Variants in TAAR5 observed in about 807,000 individuals in gnomAD.
TAAR5 encodes the protein trace amine-associated receptor 5.
In TAAR5, 27 loss-of-function variants were observed where a neutral mutation model predicts 21.1. The observed-to-expected ratio is 1.28, with a 90% CI of 0.94 to 1.76. The LOEUF (loss-of-function observed/expected upper bound fraction) is 1.76. Ranked by LOEUF, TAAR5 falls within the 40% of genes most tolerant of loss-of-function variation. TAAR5 has a pLI of 0.00. For missense variants in TAAR5, 495 were observed against 405.6 expected, an observed-to-expected ratio of 1.22 and a Z score of -1.89; for synonymous variants, 203 against 167.5, an observed-to-expected ratio of 1.21 and a Z score of -1.64.
upstream of TAAR5, among the ~76,000 whole-genome samples, chr6:132,593,874 T>C (rs1239275051): frequency 1.3e-5 from 2 of 152,224 alleles, no homozygotes; most frequent in African/African-American, 4.8e-5. Flanking sequence ...ATCATTACAA[T>C]TGGAAGTAAC....
At position 132,588,704 on chromosome 6, in the gene TAAR5, T is replaced by G. The variant is rs1266311601; in HGVS notation, c.983A>C (p.Gln328Pro). 1.9e-6 allele frequency: 3 copies of G among 1,613,828 alleles called. No homozygotes were observed. The highest frequency in any genetic ancestry group is 1.7e-6 in the Non-Finnish European group (2 of 1,179,882). Residue 328 changes from glutamine (Q) to proline (P), a missense_variant, in exon 1 of 1, where the codon CAG becomes CCG. Physicochemically the swap from Gln to Pro is moderately conservative, Grantham distance 76. Transcript: ENST00000258034. ...LTLSQKVFSP[Q>P]TRTVDLYQE ...TTGGTACAAATCAACAGTGCGTGTC[T>G]GCGGTGAGAAGACCTTCTGGCTCAG...
the TAAR5 span, among the ~76,000 whole-genome samples, chr6:132,605,975 A>G: frequency 7.0e-6 from 1 of 142,926 alleles, no homozygotes; most frequent in Non-Finnish European, 1.5e-5. Flanking sequence ...TTAGCTGGAA[A>G]CAATTATCCT....
chr6:132,610,038 T>C, the TAAR5 span, among the ~76,000 whole-genome samples: 81 of 152,284 alleles, frequency 5.3e-4, no homozygotes, highest in African/African-American at 1.9e-3. Flanking sequence ...TGAAGCCATG[T>C]CATATGTTCC....
At chr6:132,598,805 C>G in the TAAR5 span, among the ~76,000 whole-genome samples, 4 of 151,776 alleles carry the variant, frequency 2.6e-5, no homozygotes, top group Admixed American at 6.6e-5. Context: ...CAAGGACTAG[C>G]CTCACACAAG....
chr6:132,605,041 C>G, the TAAR5 span, among the ~76,000 whole-genome samples: 2 of 152,272 alleles, frequency 1.3e-5, no homozygotes, highest in Admixed American at 1.3e-4. Context: ...GATAAGTACC[C>G]GATTTCACCC....
the TAAR5 span, among the ~76,000 whole-genome samples, chr6:132,610,327 T>A: frequency 2.9e-4 from 44 of 152,134 alleles, no homozygotes; most frequent in Non-Finnish European, 3.1e-4. Flanking sequence ...GCAGGCCCAA[T>A]CTTGAGTGAA....
chr6:132,594,871 C>A, the TAAR5 span: 1 of 152,146 alleles, frequency 6.6e-6, no homozygotes, highest in African/African-American at 2.4e-5. Flanking sequence ...CACACACAAA[C>A]CTGTGCAATC....
chr6:132,615,836 C>T, the TAAR5 span, among the ~76,000 whole-genome samples: 11 of 150,400 alleles, frequency 7.3e-5, no homozygotes, highest in South Asian at 4.2e-4. Flanking sequence ...AGAAATTAAA[C>T]AAGGAATATT....
chr6:132,588,799 G>A lies in TAAR5; in HGVS notation c.888C>T (p.Phe296=). Reference sequence around the variant, plus strand: ...AGATGATGGGGTTGCAGGCTGAGTTGAAGTAAGCAAACCAGATAAAGATGT... The same window carrying A: ...AGATGATGGGGTTGCAGGCTGAGTTAAAGTAAGCAAACCAGATAAAGATGT... ...VFDIFIWFAY[F]NSACNPIIYV... Residue 296 remains phenylalanine, a synonymous_variant, in exon 1 of 1, where the codon TTC becomes TTT. Coordinates refer to ENST00000258034, the MANE Select transcript of TAAR5 (RefSeq NM_003967.3). 1 of 1,614,120 alleles carries A rather than the reference G, an allele frequency of 6.2e-7. No homozygotes were observed. Among genetic ancestry groups the A allele is most frequent in the Non-Finnish European group, 8.5e-7 (1 of 1,180,002 alleles).
At chr6:132,594,500 A>C (rs1287481046), upstream of TAAR5, 1 of 152,240 alleles carries the variant, frequency 6.6e-6, no homozygotes, top group Non-Finnish European at 1.5e-5. Context: ...CATGCCATAT[A>C]AAATGGGATT....
the TAAR5 span, among the ~76,000 whole-genome samples, chr6:132,602,986 T>C: frequency 6.6e-6 from 1 of 152,028 alleles, no homozygotes; most frequent in East Asian, 1.9e-4. Context: ...AAACATGGCC[T>C]TGCTGCAGTT....
chr6:132,597,181 A>T, the TAAR5 span, among the ~76,000 whole-genome samples: 326 of 152,278 alleles, frequency 2.1e-3, no homozygotes, highest in African/African-American at 7.3e-3. Context: ...TTTGAAAAAC[A>T]TGGCATGAAA....
At chr6:132,604,674 A>G in the TAAR5 span, among the ~76,000 whole-genome samples, 3 of 152,130 alleles carry the variant, frequency 2.0e-5, no homozygotes, top group South Asian at 6.2e-4. Context: ...GTACGTACAA[A>G]ACTTGATGTC....
At chr6:132,602,668 A>G in the TAAR5 span, among the ~76,000 whole-genome samples, 4 of 151,952 alleles carry the variant, frequency 2.6e-5, no homozygotes, top group Non-Finnish European at 1.5e-5. Context: ...CCCCTGGTCT[A>G]AAGGACCCTT....
At chr6:132,608,709 G>T in the TAAR5 span, 1 of 455,834 alleles carries the variant, frequency 2.2e-6, no homozygotes, top group Non-Finnish European at 4.4e-6. Flanking sequence ...TGAAAGTAAG[G>T]GCACAGAAAT....
chr6:132,604,637 G>A, the TAAR5 span, among the ~76,000 whole-genome samples: 9 of 152,126 alleles, frequency 5.9e-5, no homozygotes, highest in African/African-American at 1.7e-4. Context: ...GAGATTCGAC[G>A]TGCAAGGACA....
the TAAR5 span, among the ~76,000 whole-genome samples, chr6:132,597,226 T>C: frequency 1.3e-5 from 2 of 152,168 alleles, no homozygotes; most frequent in African/African-American, 4.8e-5. Flanking sequence ...CTCTCATATA[T>C]TACAGTTACA....
Position 132,589,211 on chromosome 6 carries a change from C to G in TAAR5, c.476G>C (p.Trp159Ser), listed in dbSNP as rs1465514808. 2 of 1,605,372 alleles carry G rather than the reference C, an allele frequency of 1.2e-6. No homozygotes were observed. The highest frequency in any genetic ancestry group is 2.7e-5 in the African/African-American group (2 of 74,968). The change falls in exon 1 of 1, where the codon TGG becomes TCG. Residue 159 changes from tryptophan to serine, a missense_variant. Coordinates refer to ENST00000258034, the MANE Select transcript of TAAR5 (RefSeq NM_003967.3). The stretch of plus-strand genomic sequence containing the variant: ...CGAAGTGTATGCTGCGGGCACCCCC[C>G]ATCCTGCCAGGATGTACCTGAGAGC... The part of the protein sequence containing the change: ...RVALRYILAG[W>S]GVPAAYTSLF...
chr6:132,597,671 C>G, the TAAR5 span, among the ~76,000 whole-genome samples: 3 of 152,016 alleles, frequency 2.0e-5, no homozygotes, highest in Non-Finnish European at 4.4e-5. Flanking sequence ...TAACATTTCC[C>G]CCAAGCATCA....
Sources: gnomAD v4.1 joint callset for allele counts (sites outside exome capture counted in the v4.1 genomes callset) on GRCh38, gnomAD v4.1.1 for gene constraint, MANE v1.5 for transcripts, NCBI Gene and HGNC (gene_info 2026-07-23, HGNC 2026-07-21) for gene names.